THRA: variants seen among roughly 807,000 people sequenced by gnomAD.
THRA encodes thyroid hormone receptor alpha.
Under a neutral mutation model 45.0 loss-of-function variants are expected in THRA, and 13 were observed. The observed-to-expected ratio is 0.29, with a 90% CI of 0.19 to 0.46. The LOEUF (loss-of-function observed/expected upper bound fraction) is 0.46. Among genes scored for constraint, THRA ranks in the 20% least tolerant of loss-of-function variants. The pLI is 1.00. For missense variants in THRA, 278 were observed against 556.1 expected (o/e 0.50, Z 5.03); for synonymous variants, 195 against 214.0 (o/e 0.91, Z 0.78).
intron 3 of THRA, 46 bp from the exon 4 acceptor site, chr17:40,077,462 G>C (rs1461300042): frequency 6.4e-7 from 1 of 1,554,898 alleles, no homozygotes; most frequent in East Asian, 2.2e-5. Context: ...TCTCTGCTGG[G>C]ACTCCAAGCC....
chr17:40,074,887 T>C (rs1467188424), intron 2 of THRA, among the ~76,000 whole-genome samples: 7 of 152,240 alleles, frequency 4.6e-5, no homozygotes, highest in African/African-American at 1.7e-4. Flanking sequence ...CTTGCCATTT[T>C]CTTCCTCTCC....
Position 40,074,313 on chromosome 17 carries a change from C to T in THRA, c.-176C>T. On this transcript the variant is annotated 5_prime_UTR_variant, in exon 2 of 9. Coordinates refer to ENST00000450525, the MANE Select transcript of THRA (RefSeq NM_199334.5). The stretch of plus-strand genomic sequence containing the variant: ...CCCTGGCCCCTCCCACCGCCCGCCC[C>T]CCTTGGGGCGCAGGGCATGGTGTGA... The T allele has an allele frequency of 1.5e-6, 1 of 688,296 alleles. No homozygotes were observed. Among genetic ancestry groups the T allele is most frequent in the Non-Finnish European group, 2.5e-6 (1 of 405,042 alleles). The allele number at this position is 688,296 out of a possible 1,614,324, so 42.6% of individuals were successfully genotyped here.
At chr17:40,082,758 CTTTTTTTTTTTTT>C (rs920725279) in intron 4 of THRA, among the ~76,000 whole-genome samples, 2 of 67,516 alleles carry the variant, frequency 3.0e-5, no homozygotes. Flanking sequence ...GAATCGCATG[CTTTTTTTTTTTTT>C]TTTTTTTTTT....
At chr17:40,085,845 G>A (rs1235994430) in intron 6 of THRA, among the ~76,000 whole-genome samples, 4 of 152,092 alleles carry the variant, frequency 2.6e-5, no homozygotes, top group African/African-American at 4.8e-5. Flanking sequence ...GTTTCTCCAT[G>A]TTGGTCAGGC....
At chr17:40,064,096 A>G (rs1986466028) in intron 1 of THRA, among the ~76,000 whole-genome samples, 1 of 152,150 alleles carries the variant, frequency 6.6e-6, no homozygotes, top group African/African-American at 2.4e-5. Flanking sequence ...ATCCAGGGAC[A>G]CCCAGGCAGA....
downstream of THRA, chr17:40,093,030 T>C: frequency 6.2e-7 from 1 of 1,612,866 alleles, no homozygotes; most frequent in Non-Finnish European, 8.5e-7. This position sits in a 1 kb window ranked among gnomAD's most constrained non-coding sequence, Gnocchi z 5.9. Context: ...GAGAGAGAAG[T>C]GCAGAGTTCG....
chr17:40,069,921 A>G (rs1207506275), intron 1 of THRA, among the ~76,000 whole-genome samples: 1 of 150,676 alleles, frequency 6.6e-6, no homozygotes, highest in African/African-American at 2.5e-5. Context: ...AGTGGGAAGC[A>G]GTCTTTGATG....
intron 2 of THRA, 49 bp from the exon 3 acceptor site, chr17:40,076,822 G>A: frequency 6.3e-7 from 1 of 1,590,944 alleles, no homozygotes; most frequent in Non-Finnish European, 8.6e-7. Flanking sequence ...ATGAGAAAGG[G>A]GCTACTCGAA....
At chr17:40,066,035 A>T (rs754876418) in intron 1 of THRA, among the ~76,000 whole-genome samples, 1 of 152,132 alleles carries the variant, frequency 6.6e-6, no homozygotes, top group Non-Finnish European at 1.5e-5. Flanking sequence ...GCTGAGGCCC[A>T]CCTCAGAGAT....
At chr17:40,077,434 G>A in intron 3 of THRA, 74 bp from the exon 4 acceptor site, 1 of 1,380,304 alleles carries the variant, frequency 7.2e-7, no homozygotes, top group African/African-American at 1.4e-5. Context: ...TTGAGGGATG[G>A]GGAAAAGTGT....
intron 5 of THRA, 85 bp downstream of exon 5, chr17:40,084,067 C>A: frequency 6.7e-7 from 1 of 1,483,612 alleles, no homozygotes; most frequent in Non-Finnish European, 9.0e-7. Flanking sequence ...CCAGGGTACC[C>A]TCAGAGCCCA....
chr17:40,089,606 T>C lies in THRA; in HGVS notation c.*150T>C. On this transcript the variant is annotated 3_prime_UTR_variant, in exon 9 of 9. Coordinates refer to ENST00000450525, the MANE Select transcript of THRA (RefSeq NM_199334.5). The surrounding 1 kb of genome is among the most constrained non-coding windows in gnomAD (Gnocchi z 6.1). ...TCAGCTCCCACACACACACCCGCACTGCCCAGGTCCCTCCTCAGACCTCCA... is the reference window on the plus strand; with the variant it reads ...TCAGCTCCCACACACACACCCGCACCGCCCAGGTCCCTCCTCAGACCTCCA... The C allele has an allele frequency of 6.9e-7, 1 of 1,440,624 alleles. No individual in the cohort carries two copies. Among genetic ancestry groups the C allele is most frequent in the Non-Finnish European group, 9.1e-7 (1 of 1,102,616 alleles). 89.2% of individuals were successfully genotyped at this position (1,440,624 alleles called of 1,614,324 possible). A position where few individuals can be genotyped will look rare whatever the true frequency, so the allele number is the denominator to read the frequency against.
chr17:40,087,404 C>T (rs1440688056), intron 7 of THRA, among the ~76,000 whole-genome samples: 1 of 148,608 alleles, frequency 6.7e-6, no homozygotes, highest in Non-Finnish European at 1.5e-5. Flanking sequence ...CAGACACACC[C>T]AGCACACAGG....
intron 4 of THRA, among the ~76,000 whole-genome samples, 161 bp from the exon 5 acceptor site, chr17:40,083,674 A>T (rs1987224592): frequency 6.6e-6 from 1 of 152,100 alleles, no homozygotes; most frequent in Non-Finnish European, 1.5e-5. Flanking sequence ...CAGGTCCTTG[A>T]GCCTAGTAAT....
Position 40,089,524 on chromosome 17 carries a change from G to A in THRA, c.*68G>A, listed in dbSNP as rs1221770645. On this transcript the variant is annotated 3_prime_UTR_variant, in exon 9 of 9. Coordinates refer to ENST00000450525, the MANE Select transcript of THRA (RefSeq NM_199334.5). This position sits in a 1 kb window ranked among gnomAD's most constrained non-coding sequence, Gnocchi z 6.1. ...GCCTGGAGAGAAGGGGCAGAGCTGGGGGCTGAGGGAGACCCCCCCACACCC... is the reference window on the plus strand; with the variant it reads ...GCCTGGAGAGAAGGGGCAGAGCTGGAGGCTGAGGGAGACCCCCCCACACCC... 4 of 1,563,798 alleles carry A rather than the reference G, an allele frequency of 2.6e-6. No homozygotes were observed. Among genetic ancestry groups the A allele is most frequent in the Non-Finnish European group, 3.5e-6 (4 of 1,156,386 alleles).
chr17:40,066,663 C>CAAAAAAAAAAAAAAAAAAAAAAAAAAAAA (rs553082902), intron 1 of THRA, among the ~76,000 whole-genome samples: 1 of 49,524 alleles, frequency 2.0e-5, no homozygotes, highest in Non-Finnish European at 4.7e-5. Flanking sequence ...GACTCCGTCT[C>CAAAAAAAAAAAAAAAAAAAAAAAAAAAAA]AAAAAAAAAA....
Position 40,089,598 on chromosome 17 carries a change from AC to A in THRA, c.*145del. On this transcript the variant is annotated 3_prime_UTR_variant, in exon 9 of 9. Coordinates refer to ENST00000450525, the MANE Select transcript of THRA (RefSeq NM_199334.5). The surrounding 1 kb of genome is among the most constrained non-coding windows in gnomAD (Gnocchi z 6.1). ...GGATAGATTCAGCTCCCACACACAC[AC>A]CCGCACTGCCCAGGTCCCTCCTCAG... 6.9e-7 allele frequency: 1 copy of A among 1,449,802 alleles called. No individual in the cohort carries two copies. Among genetic ancestry groups the A allele is most frequent in the South Asian group, 1.5e-5 (1 of 68,724 alleles). 89.8% of individuals were successfully genotyped at this position (1,449,802 alleles called of 1,614,324 possible).
At chr17:40,069,473 G>A (rs904264035) in intron 1 of THRA, among the ~76,000 whole-genome samples, 2 of 151,972 alleles carry the variant, frequency 1.3e-5, no homozygotes, top group Non-Finnish European at 1.5e-5. Flanking sequence ...AGGGAGTGAG[G>A]AGGGAGGACC....
intron 1 of THRA, among the ~76,000 whole-genome samples, chr17:40,069,279 CTCTCTG>C (rs550642817): frequency 2.6e-4 from 39 of 150,080 alleles, no homozygotes; most frequent in South Asian, 1.9e-3. Context: ...CTGTCCCTGT[CTCTCTG>C]TCTCTGTCTC....
Sources: allele counts gnomAD v4.1 joint callset (sites outside exome capture counted in the v4.1 genomes callset), GRCh38; gene constraint gnomAD v4.1.1; non-coding constraint Gnocchi (gnomAD v3.1); transcripts MANE v1.5; gene names NCBI Gene and HGNC (gene_info 2026-07-23, HGNC 2026-07-21).